The following RPGRIP1 variants were observed in gnomAD, a reference collection of about 807,000 sequenced individuals.
The protein encoded by RPGRIP1 is RPGR interacting protein 1.
A neutral mutation model predicts 157.9 loss-of-function variants in RPGRIP1; 128 were observed. The ratio of observed to expected loss-of-function variants is 0.81; its 90% confidence interval spans 0.70 to 0.94. The LOEUF is 0.94. Among genes scored for constraint, RPGRIP1 ranks in the 40% least tolerant of loss-of-function variants. RPGRIP1 has a pLI of 0.00. For missense variants in RPGRIP1, 1,486 were observed against 1,545.8 expected, an observed-to-expected ratio of 0.96 and a Z score of 0.65; for synonymous variants, 554 against 571.6, an observed-to-expected ratio of 0.97 and a Z score of 0.44.
In RPGRIP1 at chr14:21,311,931, A is replaced by G. The variant is rs1881556415; in HGVS notation, c.1038A>G (p.Gln346=). ...ESKKAVSLKS[Q]LEDVSILQMT... ...AGAAGGCTGTGAGCTTGAAGAGCCAACTGGAAGATGTGTCTATCTTGCAGA... is the reference window on the plus strand; with the variant it reads ...AGAAGGCTGTGAGCTTGAAGAGCCAGCTGGAAGATGTGTCTATCTTGCAGA... The change falls in exon 9 of 25, where the codon CAA becomes CAG. Residue 346 remains glutamine, a synonymous_variant. Transcript: ENST00000400017. The G allele has an allele frequency of 5.6e-6, 9 of 1,613,452 alleles. No individual in the cohort carries two copies. Among genetic ancestry groups the G allele is most frequent in the Non-Finnish European group, 6.8e-6 (8 of 1,179,646 alleles).
intron 24 of RPGRIP1, 51 bp downstream of exon 24, chr14:21,348,353 T>C: frequency 1.5e-6 from 2 of 1,370,322 alleles, no homozygotes; most frequent in East Asian, 5.1e-5. Context: ...ATCATCCTAA[T>C]AGTGAATATA....
intron 17 of RPGRIP1, among the ~76,000 whole-genome samples, chr14:21,326,598 G>A (rs1269076159): frequency 4.6e-5 from 7 of 152,010 alleles, no homozygotes; most frequent in East Asian, 1.9e-4. Context: ...TTCAACTCCC[G>A]ACCTCAGGTG....
intron 1 of RPGRIP1, among the ~76,000 whole-genome samples, chr14:21,283,314 A>T (rs2139126645): frequency 6.6e-6 from 1 of 151,970 alleles, no homozygotes; most frequent in Admixed American, 6.6e-5. Flanking sequence ...TATTATTATT[A>T]TTTTTTGAGA....
In RPGRIP1 at chr14:21,324,649, A is replaced by G. The variant is rs764419161; in HGVS notation, c.1794A>G (p.Arg598=). 6.2e-6 allele frequency: 10 copies of G among 1,613,762 alleles called. No homozygotes were observed. The highest frequency in any genetic ancestry group is 8.5e-6 in the Non-Finnish European group (10 of 1,179,900). The change falls in exon 15 of 25, where the codon CGA becomes CGG. Residue 598 remains arginine, a synonymous_variant. Transcript: ENST00000400017. ...TCAAAGATGTTGCTTATGGCACCCG[A>G]CCGTTGTCGTTATGTTTGGAAACAC... ...EQLKDVAYGT[R]PLSLCLETLP... is the part of the protein sequence containing the mutation.
At chr14:21,283,654 C>CTTT (rs759412799) in intron 1 of RPGRIP1, among the ~76,000 whole-genome samples, 1 of 134,086 alleles carries the variant, frequency 7.5e-6, no homozygotes, top group Non-Finnish European at 1.6e-5. Flanking sequence ...TGCAGATTTA[C>CTTT]TTTTTTTTTT....
chr14:21,321,761 A>G (rs537280681), intron 13 of RPGRIP1, 93 bp from the exon 14 acceptor site: 2 of 1,230,520 alleles, frequency 1.6e-6, no homozygotes, highest in Admixed American at 2.4e-5. Flanking sequence ...AGCTAAGGAT[A>G]GCAGTCTTCT....
chr14:21,326,724 C>T (rs1388977625), intron 17 of RPGRIP1, among the ~76,000 whole-genome samples: 1 of 152,018 alleles, frequency 6.6e-6, no homozygotes, highest in Non-Finnish European at 1.5e-5. Context: ...TTACTAAAGG[C>T]CTGTTGTTTC....
At chr14:21,324,177 A>G (rs7153022) in intron 14 of RPGRIP1, 2,885 of 227,210 alleles carry the variant, frequency 0.013, 90 homozygotes, top group African/African-American at 0.062. Context: ...GTGGGACTCA[A>G]TGTAATGTCA....
At chr14:21,285,666 G>A (rs1444446362) in intron 1 of RPGRIP1, among the ~76,000 whole-genome samples, 4 of 151,614 alleles carry the variant, frequency 2.6e-5, no homozygotes, top group Non-Finnish European at 5.9e-5. Context: ...GAGGGCAAGT[G>A]GTGAGGAGTG....
intron 14 of RPGRIP1, among the ~76,000 whole-genome samples, 199 bp downstream of exon 14, chr14:21,322,203 G>C (rs1450066351): frequency 6.6e-6 from 1 of 152,038 alleles, no homozygotes; most frequent in African/African-American, 2.4e-5. Flanking sequence ...TGTCACTCAG[G>C]CTGGAGTGCA....
chr14:21,327,881 T>C, intron 18 of RPGRIP1, 74 bp downstream of exon 18: 1 of 1,215,402 alleles, frequency 8.2e-7, no homozygotes, highest in Non-Finnish European at 1.1e-6. Flanking sequence ...GACAGTATTA[T>C]AGTTGAAGTA....
intron 10 of RPGRIP1, among the ~76,000 whole-genome samples, chr14:21,312,769 A>C (rs1272613904): frequency 6.6e-6 from 1 of 151,258 alleles, no homozygotes; most frequent in Non-Finnish European, 1.5e-5. Flanking sequence ...GCTCACTGCA[A>C]CCTCTACCTC....
chr14:21,293,607 G>A (rs543367479), intron 2 of RPGRIP1, among the ~76,000 whole-genome samples: 2 of 152,024 alleles, frequency 1.3e-5, no homozygotes, highest in South Asian at 2.1e-4. Context: ...AGCTGGGCAC[G>A]GTGGCTCACA....
At chr14:21,292,824 TG>T (rs1880590543) in intron 2 of RPGRIP1, among the ~76,000 whole-genome samples, 2 of 151,670 alleles carry the variant, frequency 1.3e-5, no homozygotes, top group Admixed American at 1.3e-4. Context: ...CACTCCAGCC[TG>T]GGCAACAGTG....
rs183595530 is a variant in RPGRIP1 at position 21,343,052 on chromosome 14, G to A, written c.3356G>A (p.Cys1119Tyr). The part of the protein sequence containing the change: ...KYPKADSEKM[C>Y]IEIVSLAFYP... ...CCTTATCAGGATTCAGAGAAGATGT[G>A]CATTGAAATTGTCTCCCTGGCCTTC... The change falls in exon 22 of 25, where the codon TGC becomes TAC. Residue 1119 changes from cysteine (C) to tyrosine (Y), a missense_variant. Cys to Tyr is a radical substitution (Grantham distance 194). Transcript: ENST00000400017. The A allele has an allele frequency of 3.1e-6, 5 of 1,612,158 alleles. 1 individual carries two copies. In the Admixed American group the frequency reaches 5.0e-5, roughly 16 times the overall value.
At chr14:21,315,725 G>A (rs17792617) in intron 10 of RPGRIP1, among the ~76,000 whole-genome samples, 52,023 of 151,288 alleles carry the variant, frequency 0.34, 9,669 homozygotes, top group East Asian at 0.43. Flanking sequence ...CTATTTTCTT[G>A]AGTCCTTACA....
At chr14:21,280,855 G>T (rs1031495740) in intron 1 of RPGRIP1, among the ~76,000 whole-genome samples, 3 of 151,798 alleles carry the variant, frequency 2.0e-5, no homozygotes, top group Admixed American at 6.6e-5. Flanking sequence ...TAATTATATT[G>T]CTCTTTTGCT....
At position 21,302,596 on chromosome 14, in the gene RPGRIP1, T is replaced by C; in HGVS notation, c.587+12T>C. The C allele has an allele frequency of 6.8e-7, 1 of 1,469,000 alleles. No homozygotes were observed. The highest frequency in any genetic ancestry group is 2.4e-5 in the East Asian group (1 of 41,304). 91.0% of individuals were successfully genotyped at this position (1,469,000 alleles called of 1,614,324 possible). On this transcript the variant is annotated intron_variant, in intron 5 of 24. Transcript: ENST00000400017. ...AAACCCAGTGAACTGTGAGTTCTTC[T>C]CATTTATCCCATGTTGTTATTCCTG...
At chr14:21,307,908 C>G in intron 7 of RPGRIP1, 72 bp downstream of exon 7, 1 of 814,204 alleles carries the variant, frequency 1.2e-6, no homozygotes, top group Non-Finnish European at 1.9e-6. Flanking sequence ...ATTATTTTCT[C>G]CATTTTAAAT....
Sources: allele counts gnomAD v4.1 joint callset (sites outside exome capture counted in the v4.1 genomes callset), GRCh38; gene constraint gnomAD v4.1.1; transcripts MANE v1.5; gene names NCBI Gene and HGNC (gene_info 2026-07-23, HGNC 2026-07-21).